Variants in DESI2 observed in about 807,000 individuals in gnomAD.
DESI2 encodes desumoylating isopeptidase 2.
A neutral mutation model predicts 24.1 loss-of-function variants in DESI2; 10 were observed. The observed-to-expected ratio is 0.41, with a 90% CI of 0.26 to 0.70. The LOEUF (loss-of-function observed/expected upper bound fraction) is 0.70, where lower values mean the gene tolerates loss of function less well. Ranked by LOEUF, DESI2 falls within the 30% of genes least tolerant of loss-of-function variation. The pLI is 0.29. For synonymous variants in DESI2, 71 were observed against 87.7 expected, an observed-to-expected ratio of 0.81 and a Z score of 1.06; for missense variants, 122 against 234.9, an observed-to-expected ratio of 0.52 and a Z score of 3.14.
rs529271346 is a variant in DESI2, at chr1:244,690,073, AT to A, written c.209+739del. Reference sequence around the variant, plus strand: ...AGTAATAAAAAGCAGTGAGAATATAATTTTTTTTATTTATACTTTAAGTTCT... The same window carrying A: ...AGTAATAAAAAGCAGTGAGAATATAATTTTTTTATTTATACTTTAAGTTCT... On this transcript the variant is annotated intron_variant, in intron 3 of 4. Coordinates refer to ENST00000302550, the MANE Select transcript of DESI2 (RefSeq NM_016076.5). Among the ~76,000 whole-genome samples the A allele has an allele frequency of 6.2e-4, 95 of 152,144 alleles. 2 individuals are homozygous for A. Among genetic ancestry groups the A allele is most frequent in the African/African-American group, 2.1e-3 (88 of 41,520 alleles).
At chr1:244,687,057 G>A (rs1558662467) in intron 2 of DESI2, among the ~76,000 whole-genome samples, 1 of 152,150 alleles carries the variant, frequency 6.6e-6, no homozygotes, top group African/African-American at 2.4e-5. Flanking sequence ...GGTCGGAAAG[G>A]TTGGTGCTAG....
chr1:244,661,647 A>G (rs1675848294), intron 1 of DESI2, among the ~76,000 whole-genome samples: 1 of 151,046 alleles, frequency 6.6e-6, no homozygotes, highest in South Asian at 2.1e-4. Context: ...CCTATGAGTG[A>G]GAACATGCGG....
rs184524229 is a variant in DESI2 at position 244,693,824 on chromosome 1, T to C, written c.351+1804T>C. Reference sequence around the variant, plus strand: ...GGTGGCAGTGCTGGAACTAGAATTCTGGATAGTGAGGGATAAGGAGCTATT... The same window carrying C: ...GGTGGCAGTGCTGGAACTAGAATTCCGGATAGTGAGGGATAAGGAGCTATT... On this transcript the variant is annotated intron_variant, in intron 4 of 4. Transcript: ENST00000302550. Among the ~76,000 whole-genome samples the C allele has an allele frequency of 1.9e-3, 283 of 152,350 alleles. 1 individual carries two copies. Among genetic ancestry groups the C allele is most frequent in the African/African-American group, 6.3e-3 (263 of 41,584 alleles).
intron 1 of DESI2, among the ~76,000 whole-genome samples, chr1:244,682,508 C>T (rs1049163517): frequency 1.3e-5 from 2 of 152,214 alleles, no homozygotes; most frequent in Non-Finnish European, 2.9e-5. Flanking sequence ...CTATCTCTTT[C>T]CCTTTCATCC....
intron 1 of DESI2, among the ~76,000 whole-genome samples, chr1:244,663,144 A>G (rs925134285): frequency 6.6e-6 from 1 of 152,122 alleles, no homozygotes; most frequent in East Asian, 1.9e-4. Flanking sequence ...ACTTTTTAAA[A>G]GTTAGGACCA....
In DESI2 at chr1:244,705,672, G is replaced by GC; in HGVS notation, c.468_469insC (p.Ser157LeufsTer2). ...AGTGGCTCACGCCCGCAGCCCTGCA[G>GC]TCTAGTGTCAGCCAAGAACTCCAGG... On this transcript the variant is annotated frameshift_variant, in exon 5 of 5. Transcript: ENST00000302550. LOFTEE classifies it high-confidence loss of function. 6.2e-7 allele frequency: 1 copy of GC among 1,614,174 alleles called. No homozygotes were observed. The highest frequency in any genetic ancestry group is 8.5e-7 in the Non-Finnish European group (1 of 1,180,036).
At chr1:244,690,254 G>A (rs1269748482) in intron 3 of DESI2, among the ~76,000 whole-genome samples, 2 of 152,128 alleles carry the variant, frequency 1.3e-5, no homozygotes, top group Non-Finnish European at 2.9e-5. Context: ...GGTGTGTGAT[G>A]TTCCCCGCCC....
chr1:244,661,998 A>G (rs528016701), intron 1 of DESI2, among the ~76,000 whole-genome samples: 7 of 152,220 alleles, frequency 4.6e-5, no homozygotes, highest in Non-Finnish European at 8.8e-5. Flanking sequence ...GACTTCCACA[A>G]TGGTTGAACT....
chr1:244,660,616 T>C (rs893076486), intron 1 of DESI2, among the ~76,000 whole-genome samples: 2 of 152,202 alleles, frequency 1.3e-5, no homozygotes, highest in African/African-American at 4.8e-5. Context: ...CAAAATAATC[T>C]TAAACTGTAA....
intron 4 of DESI2, among the ~76,000 whole-genome samples, chr1:244,700,690 C>A (rs900843180): frequency 7.2e-5 from 11 of 152,174 alleles, no homozygotes; most frequent in African/African-American, 2.4e-4. Flanking sequence ...CAAATCTGGG[C>A]TACAGAATTT....
At chr1:244,685,142 A>G (rs960952949) in intron 1 of DESI2, among the ~76,000 whole-genome samples, 4 of 152,112 alleles carry the variant, frequency 2.6e-5, no homozygotes, top group African/African-American at 9.7e-5. Context: ...ATGTAGTTTT[A>G]TAAAATAAAA....
intron 1 of DESI2, among the ~76,000 whole-genome samples, chr1:244,668,358 G>A (rs1230446399): frequency 3.3e-5 from 5 of 152,202 alleles, no homozygotes; most frequent in Admixed American, 2.0e-4. Flanking sequence ...TAGTTTAACA[G>A]TGTAAACTTA....
intron 1 of DESI2, among the ~76,000 whole-genome samples, chr1:244,665,022 T>C (rs924118559): frequency 1.3e-5 from 2 of 152,244 alleles, no homozygotes; most frequent in Non-Finnish European, 2.9e-5. Flanking sequence ...TAAATTATCA[T>C]GGATATTTAG....
At position 244,705,830 on chromosome 1, in the gene DESI2, C is replaced by A; in HGVS notation, c.*41C>A. On this transcript the variant is annotated 3_prime_UTR_variant, in exon 5 of 5. Coordinates refer to ENST00000302550, the MANE Select transcript of DESI2 (RefSeq NM_016076.5). The stretch of plus-strand genomic sequence containing the variant: ...CACATTCAGAACTGTCTCTGGCAGT[C>A]GAATATCACTAGAGAAAAGTAAACA... 3.6e-6 allele frequency: 5 copies of A among 1,399,940 alleles called. No individual in the cohort carries two copies. The highest frequency in any genetic ancestry group is 3.5e-5 in the South Asian group (3 of 84,606). The allele number at this position is 1,399,940 out of a possible 1,614,324, so 86.7% of individuals were successfully genotyped here. A position where few individuals can be genotyped will look rare whatever the true frequency, so the allele number is the denominator to read the frequency against.
intron 4 of DESI2, 44 bp from the exon 5 acceptor site, chr1:244,705,512 T>A: frequency 6.5e-7 from 1 of 1,530,212 alleles, no homozygotes; most frequent in Non-Finnish European, 9.0e-7. Context: ...GACCAGGTAA[T>A]CTTAACCTCT....
intron 2 of DESI2, among the ~76,000 whole-genome samples, chr1:244,688,983 T>C (rs1289813914): frequency 3.9e-5 from 6 of 152,248 alleles, no homozygotes; most frequent in African/African-American, 9.6e-5. Flanking sequence ...TACCTCTGTG[T>C]GTTGATCACT....
chr1:244,657,024 C>G (rs1329270449), intron 1 of DESI2, among the ~76,000 whole-genome samples: 1 of 152,234 alleles, frequency 6.6e-6, no homozygotes, highest in Non-Finnish European at 1.5e-5. Flanking sequence ...CCGCCCGCCT[C>G]AGCGTCCCAA....
At chr1:244,694,379 AT>A (rs201232139) in intron 4 of DESI2, 2,376 of 541,622 alleles carry the variant, frequency 4.4e-3, no homozygotes, top group East Asian at 5.2e-3. Flanking sequence ...TATTCATAAA[AT>A]TTTTTTTTTT....
In DESI2 at chr1:244,683,365, G is replaced by A. The variant is rs570939746; in HGVS notation, c.43-3232G>A. On this transcript the variant is annotated intron_variant, in intron 1 of 4. Coordinates refer to ENST00000302550, the MANE Select transcript of DESI2 (RefSeq NM_016076.5). ...CTCGCTCTGTCGCCCAGGCTGGAGT[G>A]CAGTGGCGTGATCTCGGCTCACTGC... 3.3e-5 allele frequency among the ~76,000 whole-genome samples: 5 copies of A among 152,016 alleles called. No individual in the cohort carries two copies. In the South Asian group the frequency reaches 1.0e-3, roughly 31 times the overall value.
Sources: allele counts gnomAD v4.1 joint callset (sites outside exome capture counted in the v4.1 genomes callset), GRCh38; gene constraint gnomAD v4.1.1; transcripts MANE v1.5; gene names NCBI Gene and HGNC (gene_info 2026-07-23, HGNC 2026-07-21).